Variants in CABIN1 observed in about 807,000 individuals in gnomAD.
CABIN1 encodes the protein calcineurin-binding protein cabin-1.
CABIN1 carries 133 observed loss-of-function variants against 227.7 expected under a neutral mutation model. The observed-to-expected ratio is 0.58, with a 90% CI of 0.51 to 0.67. CABIN1 has a LOEUF of 0.67. CABIN1 is among the 30% of genes least tolerant of loss of function. The pLI is 0.00. For missense variants in CABIN1, 2,408 were observed against 2,852.5 expected (o/e 0.84, Z 3.55); for synonymous variants, 1,086 against 1,155.1 (o/e 0.94, Z 1.21).
rs543387418 is a variant in CABIN1, at chr22:24,143,354, C to G, written c.4746+8939C>G. 2.6e-5 allele frequency among the ~76,000 whole-genome samples: 4 copies of G among 152,300 alleles called. No homozygotes were observed. In the South Asian group the frequency reaches 8.3e-4, roughly 32 times the overall value. ...TCTAGCCCTACCATAGGAGGTGAGGCTGGGATTCCAGACTGAGAGGGAACC... is the reference window on the plus strand; with the variant it reads ...TCTAGCCCTACCATAGGAGGTGAGGGTGGGATTCCAGACTGAGAGGGAACC... On this transcript the variant is annotated intron_variant, in intron 29 of 36. Coordinates refer to ENST00000263119, the MANE Select transcript of CABIN1 (RefSeq NM_012295.4).
At chr22:24,126,712 G>A (rs904620306) in intron 28 of CABIN1, among the ~76,000 whole-genome samples, 6 of 152,278 alleles carry the variant, frequency 3.9e-5, no homozygotes, top group East Asian at 1.9e-4. Flanking sequence ...TAAAGCTGTC[G>A]CAAGGGCTGG....
intron 19 of CABIN1, among the ~76,000 whole-genome samples, chr22:24,082,837 G>C (rs1365706627): frequency 6.6e-6 from 1 of 152,190 alleles, no homozygotes; most frequent in Non-Finnish European, 1.5e-5. Context: ...CTTCTAAAAA[G>C]CAAGGACTAT....
At position 24,072,410 on chromosome 22, in the gene CABIN1, A is replaced by G. The variant is rs111573595; in HGVS notation, c.2532A>G (p.Ser844=). ...AGGCCAAGGAGCCCCACGTCTCTTC[A>G]GTGCTACCCTGGATCATTCTACACC... ...QEEAKEPHVS[S]VLPWIILHRI... The change falls in exon 18 of 37, where the codon TCA becomes TCG. Residue 844 remains serine, a synonymous_variant. Coordinates refer to ENST00000263119, the MANE Select transcript of CABIN1 (RefSeq NM_012295.4). The G allele has an allele frequency of 7.4e-6, 12 of 1,614,010 alleles. No individual in the cohort carries two copies. Among genetic ancestry groups the G allele is most frequent in the Non-Finnish European group, 1.0e-5 (12 of 1,180,002 alleles).
At chr22:24,034,422 T>TG (rs774138683) in intron 1 of CABIN1, among the ~76,000 whole-genome samples, 27 of 152,272 alleles carry the variant, frequency 1.8e-4, no homozygotes, top group Non-Finnish European at 2.9e-4. Context: ...TGTTGTAGCA[T>TG]GTATCAGAAA....
chr22:24,062,821 G>A lies in CABIN1; in HGVS notation c.1697-138G>A. ...ACCTCTCTGATGCCTGCCACTCAGG[G>A]AGCTGTAGGGCTCTGAGGGGCTTAG... On this transcript the variant is annotated intron_variant, in intron 13 of 36. Transcript: ENST00000263119. 3 of 824,558 alleles carry A rather than the reference G, an allele frequency of 3.6e-6. No individual in the cohort carries two copies. The South Asian group carries it at 4.1e-5, about 11-fold the overall frequency. 51.1% of individuals were successfully genotyped at this position (824,558 alleles called of 1,614,324 possible).
rs372726747 is a variant in CABIN1, at chr22:24,165,390, C to A, written c.4911-140C>A. 6.2e-6 allele frequency: 5 copies of A among 801,788 alleles called. No individual in the cohort carries two copies. In the South Asian group the frequency reaches 7.3e-5, roughly 12 times the overall value. The allele number at this position is 801,788 out of a possible 1,614,324, so 49.7% of individuals were successfully genotyped here. The stretch of plus-strand genomic sequence containing the variant: ...TCAGGGGAAGCTTCTAGGGGAGCAG[C>A]CCCAAACAGGTGGTTAGGTGGAACA... On this transcript the variant is annotated intron_variant, in intron 30 of 36. Coordinates refer to ENST00000263119, the MANE Select transcript of CABIN1 (RefSeq NM_012295.4).
intron 1 of CABIN1, among the ~76,000 whole-genome samples, chr22:24,025,336 G>A (rs771941148): frequency 6.6e-6 from 1 of 152,138 alleles, no homozygotes; most frequent in African/African-American, 2.4e-5. Flanking sequence ...GATTCAAAAG[G>A]GGGGAAAAGG....
rs538474003 is a variant in CABIN1 at position 24,158,570 on chromosome 22, C to T, written c.4747-5830C>T. Among the ~76,000 whole-genome samples, 9 of 152,260 alleles carry T rather than the reference C, an allele frequency of 5.9e-5. No individual in the cohort carries two copies. In the South Asian group the frequency reaches 6.2e-4, roughly 11 times the overall value. Reference sequence around the variant, plus strand: ...AAAATTACCCACTTTCCGCTCAGGACGCTGCGGGTGATGGGGAAGACTCTG... The same window carrying T: ...AAAATTACCCACTTTCCGCTCAGGATGCTGCGGGTGATGGGGAAGACTCTG... On this transcript the variant is annotated intron_variant, in intron 29 of 36. Transcript: ENST00000263119.
intron 28 of CABIN1, among the ~76,000 whole-genome samples, chr22:24,131,527 G>A (rs2044072197): frequency 6.6e-6 from 1 of 152,154 alleles, no homozygotes; most frequent in South Asian, 2.1e-4. Flanking sequence ...TAGCACCCTG[G>A]CTCCCCACTG....
chr22:24,130,000 G>T (rs901109867), intron 28 of CABIN1, among the ~76,000 whole-genome samples: 2 of 152,236 alleles, frequency 1.3e-5, no homozygotes, highest in African/African-American at 4.8e-5. Context: ...AGCAGGGATG[G>T]TCCAGATAGT....
chr22:24,127,216 C>A (rs1415111888), intron 28 of CABIN1, among the ~76,000 whole-genome samples: 1 of 152,078 alleles, frequency 6.6e-6, no homozygotes, highest in Non-Finnish European at 1.5e-5. Flanking sequence ...CTTACACAGG[C>A]CCAGGCAGAG....
chr22:24,172,817 A>G (rs1382097849), intron 34 of CABIN1, among the ~76,000 whole-genome samples: 1 of 152,150 alleles, frequency 6.6e-6, no homozygotes, highest in East Asian at 1.9e-4. Context: ...GGCAGCTGCA[A>G]TTCTGCCAGA....
chr22:24,050,886 G>A lies in CABIN1; in HGVS notation c.718G>A (p.Ala240Thr). ...AAETQAIVDEALGLRKKRQAL... is the reference protein window; with the variant it reads ...AAETQAIVDETLGLRKKRQAL... ...TGAGACACAGGCGATTGTAGATGAG[G>A]CCTTGGGGCTGCGAAAAAAGAGGCA... The change falls in exon 8 of 37, where the codon GCC (alanine) becomes ACC (threonine). Residue 240 changes from alanine to threonine, a missense_variant. By Grantham distance (58) the Ala-to-Thr change is moderately conservative. This residue lies in a region of CABIN1 where 1,045 missense variants were observed against 1,168.4 expected (regional missense o/e 0.89). Transcript: ENST00000263119. 2 of 1,614,208 alleles carry A rather than the reference G, an allele frequency of 1.2e-6. No individual in the cohort carries two copies. The highest frequency in any genetic ancestry group is 8.5e-7 in the Non-Finnish European group (1 of 1,180,030).
At chr22:24,053,477 A>C (rs1569132428) in intron 8 of CABIN1, among the ~76,000 whole-genome samples, 5 of 152,084 alleles carry the variant, frequency 3.3e-5, no homozygotes, top group Admixed American at 1.3e-4. Flanking sequence ...TCCCAGGTTC[A>C]AGCGATTCTC....
intron 1 of CABIN1, among the ~76,000 whole-genome samples, chr22:24,029,736 G>A (rs1230608597): frequency 6.6e-6 from 1 of 152,194 alleles, no homozygotes; most frequent in Non-Finnish European, 1.5e-5. Context: ...TGGGCAGAAG[G>A]GGTGCTGGTC....
chr22:24,149,271 G>A (rs953232215), intron 29 of CABIN1, among the ~76,000 whole-genome samples: 1 of 152,236 alleles, frequency 6.6e-6, no homozygotes, highest in Non-Finnish European at 1.5e-5. Context: ...GAGCAAGCTG[G>A]TCAGTGTTTG....
intron 15 of CABIN1, among the ~76,000 whole-genome samples, chr22:24,065,482 G>T (rs1475016486): frequency 2.4e-4 from 37 of 151,832 alleles, no homozygotes; most frequent in Non-Finnish European, 5.2e-4. Flanking sequence ...CTTCCTAGAT[G>T]GGATGGTGTC....
chr22:24,021,463 G>A (rs1271205816), intron 1 of CABIN1, among the ~76,000 whole-genome samples: 1 of 151,722 alleles, frequency 6.6e-6, no homozygotes, highest in African/African-American at 2.4e-5. Context: ...CGATCAATTT[G>A]TCTTTTTTAA....
intron 16 of CABIN1, among the ~76,000 whole-genome samples, chr22:24,070,015 C>G (rs146028381): frequency 4.0e-5 from 6 of 150,724 alleles, no homozygotes; most frequent in Non-Finnish European, 7.4e-5. Context: ...CCCCATGCAC[C>G]AGCACAGTGA....
Sources: gnomAD v4.1 joint callset for allele counts (sites outside exome capture counted in the v4.1 genomes callset) on GRCh38, gnomAD v4.1.1 for gene constraint, gnomAD v4.1.1 regional missense constraint, MANE v1.5 for transcripts, NCBI Gene and HGNC (gene_info 2026-07-23, HGNC 2026-07-21) for gene names.